The following IQCM variants were observed in gnomAD, a reference collection of about 807,000 sequenced individuals.
IQCM encodes IQ domain-containing protein M.
Under a neutral mutation model 57.6 loss-of-function variants are expected in IQCM, and 45 were observed. The observed-to-expected ratio is 0.78, with a 90% CI of 0.62 to 1.00. The LOEUF (loss-of-function observed/expected upper bound fraction) is 1.00, where lower values mean the gene tolerates loss of function less well. IQCM is among the 50% of genes least tolerant of loss of function. The pLI is 0.00. For synonymous variants in IQCM, 148 were observed against 158.9 expected, an observed-to-expected ratio of 0.93 and a Z score of 0.51; for missense variants, 468 against 511.6, an observed-to-expected ratio of 0.91 and a Z score of 0.82.
At chr4:149,659,386 A>G (rs370169357) in intron 7 of IQCM, among the ~76,000 whole-genome samples, 1 of 152,232 alleles carries the variant, frequency 6.6e-6, no homozygotes, top group Non-Finnish European at 1.5e-5. Context: ...AATCAATATC[A>G]TGAAAATGGC....
chr4:149,546,916 A>G (rs2149892050), intron 12 of IQCM, among the ~76,000 whole-genome samples: 1 of 152,238 alleles, frequency 6.6e-6, no homozygotes, highest in South Asian at 2.1e-4. Context: ...CCTGAATGGT[A>G]TTGCCTAGGT....
intron 7 of IQCM, among the ~76,000 whole-genome samples, chr4:149,654,431 C>T (rs1759461257): frequency 6.6e-6 from 1 of 152,046 alleles, no homozygotes; most frequent in Non-Finnish European, 1.5e-5. Flanking sequence ...TCCCTCATCT[C>T]CTCATGCCCC....
chr4:149,364,644 C>A (rs914878259), intron 13 of IQCM, among the ~76,000 whole-genome samples: 4 of 151,668 alleles, frequency 2.6e-5, no homozygotes, highest in Admixed American at 2.6e-4. Flanking sequence ...AAATGGGTAC[C>A]CAGTCACAGA....
chr4:149,698,499 T>C (rs188337837), intron 5 of IQCM, among the ~76,000 whole-genome samples: 182 of 152,060 alleles, frequency 1.2e-3, no homozygotes, highest in Non-Finnish European at 2.1e-4. Context: ...AGCAGAAGAG[T>C]TGAAAGTTAA....
At chr4:149,558,188 T>G (rs549805501) in intron 10 of IQCM, among the ~76,000 whole-genome samples, 1 of 152,300 alleles carries the variant, frequency 6.6e-6, no homozygotes, top group South Asian at 2.1e-4. Flanking sequence ...ATTCTCTCTT[T>G]ACTCTATATA....
intron 2 of IQCM, chr4:149,789,891 G>T (rs2150027039): frequency 5.4e-6 from 1 of 186,052 alleles, no homozygotes; most frequent in South Asian, 1.4e-4. Flanking sequence ...GTGACAGAGT[G>T]AGACCCTGTT....
intron 13 of IQCM, among the ~76,000 whole-genome samples, chr4:149,430,492 C>T (rs958425534): frequency 2.6e-5 from 4 of 151,948 alleles, no homozygotes; most frequent in African/African-American, 9.7e-5. Context: ...TAACCCATCA[C>T]CTCTCATTTC....
chr4:149,449,021 A>G (rs578055207), intron 12 of IQCM, among the ~76,000 whole-genome samples: 1 of 151,874 alleles, frequency 6.6e-6, no homozygotes, highest in East Asian at 1.9e-4. Context: ...ATATTCCAAG[A>G]GAATTACAGA....
chr4:149,442,951 CACAGAGAGAGAGAG>C lies in IQCM; in HGVS notation c.1229-9408_1229-9395del, dbSNP rs1339551216. 1.4e-3 allele frequency among the ~76,000 whole-genome samples: 159 copies of C among 111,198 alleles called. 2 individuals are homozygous for C. The highest frequency in any genetic ancestry group is 8.3e-3 in the South Asian group (21 of 2,544). The allele number at this position is 111,198 out of a possible 152,430, so 73.0% of individuals were successfully genotyped here. On this transcript the variant is annotated intron_variant, in intron 12 of 13. Coordinates refer to ENST00000636793, the MANE Select transcript of IQCM (RefSeq NM_001363507.2). ...ACACACACACACACACACACACACA[CACAGAGAGAGAGAG>C]AGAGAGAGAGAGAGAGAGAGAGAGA... is the stretch of plus-strand genomic sequence containing the variant.
intron 12 of IQCM, among the ~76,000 whole-genome samples, chr4:149,444,906 A>G (rs773579422): frequency 6.6e-6 from 1 of 151,944 alleles, no homozygotes; most frequent in Non-Finnish European, 1.5e-5. Context: ...AGAAGAAAAG[A>G]TGGTTGACTT....
At chr4:149,481,706 T>TTTTTTTTTTGTTTTG (rs1740870019) in intron 12 of IQCM, among the ~76,000 whole-genome samples, 4 of 133,366 alleles carry the variant, frequency 3.0e-5, no homozygotes, top group African/African-American at 8.5e-5. Flanking sequence ...GTTTTGTTTT[T>TTTTTTTTTTGTTTTG]TTTTTTTTTT....
At chr4:149,636,115 A>C (rs998287707) in intron 7 of IQCM, among the ~76,000 whole-genome samples, 1 of 152,162 alleles carries the variant, frequency 6.6e-6, no homozygotes, top group African/African-American at 2.4e-5. Context: ...CTACAAAATA[A>C]TGATTTCGTT....
intron 7 of IQCM, among the ~76,000 whole-genome samples, chr4:149,628,867 A>G (rs1757024287): frequency 6.6e-6 from 1 of 152,208 alleles, no homozygotes; most frequent in Non-Finnish European, 1.5e-5. Flanking sequence ...TCTGTGAAAC[A>G]GCAAAAGAAT....
At chr4:149,378,478 T>C (rs573102965) in intron 13 of IQCM, among the ~76,000 whole-genome samples, 6 of 152,288 alleles carry the variant, frequency 3.9e-5, no homozygotes, top group African/African-American at 1.2e-4. Context: ...ATAAGGAACT[T>C]GTTGGGAACT....
chr4:149,406,640 A>G (rs563711057), intron 13 of IQCM, among the ~76,000 whole-genome samples: 1 of 152,270 alleles, frequency 6.6e-6, no homozygotes, highest in South Asian at 2.1e-4. Flanking sequence ...AGAATATATG[A>G]CATGACCAGT....
intron 2 of IQCM, among the ~76,000 whole-genome samples, chr4:149,787,465 C>A (rs1772178779): frequency 6.6e-6 from 1 of 152,092 alleles, no homozygotes; most frequent in Non-Finnish European, 1.5e-5. Context: ...ACCAAAAGAG[C>A]ATTGTATGTG....
At chr4:149,415,236 G>A (rs1733660370) in intron 13 of IQCM, among the ~76,000 whole-genome samples, 1 of 152,094 alleles carries the variant, frequency 6.6e-6, no homozygotes, top group South Asian at 2.1e-4. Flanking sequence ...GCAATCATTG[G>A]CTTCTGAAGA....
intron 5 of IQCM, among the ~76,000 whole-genome samples, chr4:149,687,874 A>T (rs1327669325): frequency 6.6e-6 from 1 of 152,066 alleles, no homozygotes; most frequent in Non-Finnish European, 1.5e-5. Context: ...ATAGATGCAG[A>T]AAAAGCATTT....
chr4:149,587,519 T>C (rs981482659), intron 9 of IQCM, among the ~76,000 whole-genome samples: 1 of 151,788 alleles, frequency 6.6e-6, no homozygotes, highest in Non-Finnish European at 1.5e-5. Context: ...GAGTTTTTAA[T>C]AGAGTCATTG....
Sources: allele counts gnomAD v4.1 joint callset (sites outside exome capture counted in the v4.1 genomes callset), GRCh38; gene constraint gnomAD v4.1.1; transcripts MANE v1.5; gene names NCBI Gene and HGNC (gene_info 2026-07-23, HGNC 2026-07-21).